EFNB2: variants seen among roughly 807,000 people sequenced by gnomAD.
EFNB2 encodes the protein ephrin B2, also known as ephrin-B2.
EFNB2 carries 5 observed loss-of-function variants against 32.1 expected under a neutral mutation model. The ratio of observed to expected loss-of-function variants is 0.16; its 90% CI spans 0.08 to 0.33. The LOEUF is 0.33. Among genes scored for constraint, EFNB2 ranks in the 10% least tolerant of loss-of-function variants. The probability of loss-of-function intolerance (pLI) is 1.00; values close to 1 mark genes in which losing one functional copy is unlikely to be tolerated. For synonymous variants in EFNB2, 168 were observed against 166.5 expected, an observed-to-expected ratio of 1.01 and a Z score of -0.07; for missense variants, 263 against 422.6, an observed-to-expected ratio of 0.62 and a Z score of 3.31.
chr13:106,497,820 T>C (rs913402305), intron 2 of EFNB2, among the ~76,000 whole-genome samples: 1 of 152,304 alleles, frequency 6.6e-6, no homozygotes, highest in African/African-American at 2.4e-5. Context: ...CTTCAAACTA[T>C]GAGTTTCTAT....
chr13:106,494,868 C>A lies in EFNB2; in HGVS notation c.613+13G>T. On this transcript the variant is annotated intron_variant, in intron 4 of 4. Transcript: ENST00000646441. ...CCCACAGACCTCCATACACACAGAT[C>A]ATGCTGTTATACCTGGATTTGGTTT... 6.3e-7 allele frequency: 1 copy of A among 1,599,200 alleles called. No individual in the cohort carries two copies. Among genetic ancestry groups the A allele is most frequent in the Non-Finnish European group, 8.6e-7 (1 of 1,166,452 alleles).
At chr13:106,532,856 C>T (rs904233514) in intron 1 of EFNB2, among the ~76,000 whole-genome samples, 2 of 151,912 alleles carry the variant, frequency 1.3e-5, no homozygotes, top group African/African-American at 4.8e-5. Context: ...TGTCACCTCC[C>T]CCCAGGACCC....
At chr13:106,524,456 C>A (rs528691988) in intron 1 of EFNB2, among the ~76,000 whole-genome samples, 1 of 152,290 alleles carries the variant, frequency 6.6e-6, no homozygotes, top group East Asian at 1.9e-4. Flanking sequence ...ACAGTCTCCC[C>A]GTTGGTATTA....
intron 1 of EFNB2, 116 bp from the exon 2 acceptor site, chr13:106,512,928 C>G (rs1879190511): frequency 4.7e-6 from 4 of 859,220 alleles, no homozygotes; most frequent in Non-Finnish European, 5.1e-6. Flanking sequence ...CAGATTCACA[C>G]TTTAATTTAT....
intron 2 of EFNB2, among the ~76,000 whole-genome samples, chr13:106,502,905 A>G (rs1037420558): frequency 2.0e-5 from 3 of 152,214 alleles, no homozygotes; most frequent in African/African-American, 7.2e-5. Flanking sequence ...GTGCAAGCAC[A>G]TGTACACATA....
At chr13:106,526,909 G>A (rs1478954709) in intron 1 of EFNB2, among the ~76,000 whole-genome samples, 1 of 152,228 alleles carries the variant, frequency 6.6e-6, no homozygotes, top group Admixed American at 6.5e-5. Context: ...TCTTTGCTAT[G>A]CACACAGGTT....
intron 1 of EFNB2, among the ~76,000 whole-genome samples, chr13:106,513,556 A>T (rs1879216202): frequency 6.6e-6 from 1 of 152,098 alleles, no homozygotes; most frequent in Admixed American, 6.6e-5. Flanking sequence ...CTCAGAAGCA[A>T]ATCTTTAGAA....
At chr13:106,497,033 G>A (rs1878613140) in intron 2 of EFNB2, among the ~76,000 whole-genome samples, 1 of 152,186 alleles carries the variant, frequency 6.6e-6, no homozygotes, top group Non-Finnish European at 1.5e-5. Flanking sequence ...TGATTTTCTG[G>A]TAAAAATAAA....
chr13:106,527,022 T>C (rs1026500440), intron 1 of EFNB2, among the ~76,000 whole-genome samples: 3 of 152,168 alleles, frequency 2.0e-5, no homozygotes, highest in African/African-American at 4.8e-5. Flanking sequence ...CTGCCAAAAA[T>C]GCTAAAGCAT....
At chr13:106,521,962 G>C (rs567666041) in intron 1 of EFNB2, among the ~76,000 whole-genome samples, 1 of 151,608 alleles carries the variant, frequency 6.6e-6, no homozygotes, top group Non-Finnish European at 1.5e-5. Flanking sequence ...CTTTTCAAAA[G>C]TTGAGACTAG....
chr13:106,491,205 G>C lies in EFNB2; in HGVS notation c.*1835C>G, dbSNP rs1878391549. 1 of 152,524 alleles carries C rather than the reference G, an allele frequency of 6.6e-6. No homozygotes were observed. Among genetic ancestry groups the C allele is most frequent in the Non-Finnish European group, 1.5e-5 (1 of 68,040 alleles). The allele number at this position is 152,524 out of a possible 1,614,324, so 9.4% of individuals were successfully genotyped here. ...AAACCCAACGCAGAAATAAACGCCGGAACATCTTGTCATTGTTAAATATAT... is the reference window on the plus strand; with the variant it reads ...AAACCCAACGCAGAAATAAACGCCGCAACATCTTGTCATTGTTAAATATAT... On this transcript the variant is annotated 3_prime_UTR_variant, in exon 5 of 5. Coordinates refer to ENST00000646441, the MANE Select transcript of EFNB2 (RefSeq NM_004093.4).
At position 106,494,553 on chromosome 13, in the gene EFNB2, A is replaced by G. The variant is rs1314068312; in HGVS notation, c.613+328T>C. Among the ~76,000 whole-genome samples, 4 of 152,254 alleles carry G rather than the reference A, an allele frequency of 2.6e-5. 1 individual carries two copies. Among genetic ancestry groups the G allele is most frequent in the Admixed American group, 2.0e-4 (3 of 15,288 alleles). ...GGATTAGCACATTAATTACATATAC[A>G]TTAACATCAGCTTTAAGCTGGAGTT... is the stretch of plus-strand genomic sequence containing the variant. On this transcript the variant is annotated intron_variant, in intron 4 of 4. Transcript: ENST00000646441.
intron 4 of EFNB2, 73 bp downstream of exon 4, chr13:106,494,808 G>T: frequency 2.5e-6 from 3 of 1,182,902 alleles, no homozygotes; most frequent in Non-Finnish European, 3.8e-6. Flanking sequence ...TTTAGACTCT[G>T]CCCTACCTTT....
intron 1 of EFNB2, among the ~76,000 whole-genome samples, chr13:106,523,607 C>T (rs1879606848): frequency 6.6e-6 from 1 of 152,100 alleles, no homozygotes; most frequent in African/African-American, 2.4e-5. Flanking sequence ...AAAATGCAAA[C>T]CAAGGGGCAC....
In EFNB2 at chr13:106,493,488, C is replaced by A; in HGVS notation, c.614-60G>T. 1 of 1,539,656 alleles carries A rather than the reference C, an allele frequency of 6.5e-7. No individual in the cohort carries two copies. The highest frequency in any genetic ancestry group is 8.7e-7 in the Non-Finnish European group (1 of 1,143,902). Reference sequence around the variant, plus strand: ...TTACTGCTGTCCCAGTGCAGACGGACTGCTTTTATGACCCTTAAAAATGTG... The same window carrying A: ...TTACTGCTGTCCCAGTGCAGACGGAATGCTTTTATGACCCTTAAAAATGTG... On this transcript the variant is annotated intron_variant, in intron 4 of 4. Coordinates refer to ENST00000646441, the MANE Select transcript of EFNB2 (RefSeq NM_004093.4). The surrounding 1 kb of genome is among the most constrained non-coding windows in gnomAD (Gnocchi z 6.1).
At chr13:106,519,930 A>C (rs1250041796) in intron 1 of EFNB2, 1 of 152,224 alleles carries the variant, frequency 6.6e-6, no homozygotes, top group Non-Finnish European at 1.5e-5. Context: ...TTCCCTAACA[A>C]GCAGATAAAT....
At chr13:106,533,455 G>C (rs1238479760) in intron 1 of EFNB2, among the ~76,000 whole-genome samples, 1 of 152,246 alleles carries the variant, frequency 6.6e-6, no homozygotes, top group Non-Finnish European at 1.5e-5. Context: ...AGACTACATG[G>C]AAGGAGGCAG....
chr13:106,534,128 C>A (rs1209078713), intron 1 of EFNB2, among the ~76,000 whole-genome samples: 1 of 152,200 alleles, frequency 6.6e-6, no homozygotes, highest in Non-Finnish European at 1.5e-5. Flanking sequence ...GGTCGGCCAT[C>A]GAGACCGCAT....
chr13:106,535,075 C>T lies in EFNB2; in HGVS notation c.-111G>A, dbSNP rs1002955169. The T allele has an allele frequency of 1.8e-5, 26 of 1,462,214 alleles. No individual in the cohort carries two copies. Among genetic ancestry groups the T allele is most frequent in the Admixed American group, 2.1e-5 (1 of 47,818 alleles). The allele number at this position is 1,462,214 out of a possible 1,614,324, so 90.6% of individuals were successfully genotyped here. A position where few individuals can be genotyped will look rare whatever the true frequency, so the allele number is the denominator to read the frequency against. Reference sequence around the variant, plus strand: ...ACTGGCGGGGAAGACGGCGTGCGCCCGCAGGCAGCTCCGAGGCGCGCTGCG... The same window carrying T: ...ACTGGCGGGGAAGACGGCGTGCGCCTGCAGGCAGCTCCGAGGCGCGCTGCG... On this transcript the variant is annotated 5_prime_UTR_variant, in exon 1 of 5. Coordinates refer to ENST00000646441, the MANE Select transcript of EFNB2 (RefSeq NM_004093.4).
Sources: gnomAD v4.1 joint callset for allele counts (sites outside exome capture counted in the v4.1 genomes callset) on GRCh38, gnomAD v4.1.1 for gene constraint, Gnocchi (gnomAD v3.1) non-coding constraint, MANE v1.5 for transcripts, NCBI Gene and HGNC (gene_info 2026-07-23, HGNC 2026-07-21) for gene names.